The following ADGRL2 variants were observed in gnomAD, a reference collection of about 807,000 sequenced individuals.
The protein encoded by ADGRL2 is calcium-independent alpha-latrotoxin receptor 2.
Under a neutral mutation model 157.4 loss-of-function variants are expected in ADGRL2, and 44 were observed. The ratio of observed to expected loss-of-function variants is 0.28; its 90% CI spans 0.22 to 0.36. The LOEUF is 0.36. Ranked by LOEUF, ADGRL2 falls within the 10% of genes least tolerant of loss-of-function variation. The pLI is 1.00. For missense variants in ADGRL2, 1,510 were observed against 1,768.9 expected, an observed-to-expected ratio of 0.85 and a Z score of 2.63; for synonymous variants, 585 against 624.7, an observed-to-expected ratio of 0.94 and a Z score of 0.95.
At chr1:81,736,179 C>A (rs2084896327) in intron 1 of ADGRL2, among the ~76,000 whole-genome samples, 2 of 147,904 alleles carry the variant, frequency 1.4e-5, no homozygotes, top group Non-Finnish European at 3.0e-5. Context: ...AACTGACAAT[C>A]AGTTTGACTC....
chr1:81,648,403 C>A (rs1237896741), intron 3 of ADGRL2, among the ~76,000 whole-genome samples: 2 of 152,166 alleles, frequency 1.3e-5, no homozygotes, highest in Non-Finnish European at 2.9e-5. Context: ...TTCTGCTACC[C>A]ACCTCCTTTT....
At chr1:81,438,136 A>G (rs2077442643) in intron 1 of ADGRL2, among the ~76,000 whole-genome samples, 1 of 152,134 alleles carries the variant, frequency 6.6e-6, no homozygotes, top group South Asian at 2.1e-4. Context: ...GCTTTGATGT[A>G]AGATTCCTGG....
At position 81,848,214 on chromosome 1, in the gene ADGRL2, C is replaced by T. The variant is rs370976637; in HGVS notation, c.73+11157C>T. On this transcript the variant is annotated intron_variant, in intron 2 of 23. Transcript: ENST00000686636. Reference sequence around the variant, plus strand: ...TTATTTCTTAATGAATTTTATTAGACTCTTCAGGCTCTTAAACCACTCAAA... The same window carrying T: ...TTATTTCTTAATGAATTTTATTAGATTCTTCAGGCTCTTAAACCACTCAAA... 2.5e-4 allele frequency among the ~76,000 whole-genome samples: 38 copies of T among 151,862 alleles called. No homozygotes were observed. The South Asian group carries it at 3.3e-3, about 13-fold the overall frequency.
At chr1:81,383,976 A>T (rs1570790869) in intron 1 of ADGRL2, among the ~76,000 whole-genome samples, 1 of 151,350 alleles carries the variant, frequency 6.6e-6, no homozygotes, top group East Asian at 1.9e-4. Flanking sequence ...AAGAAAAGAA[A>T]AGAAAAAAAA....
chr1:81,453,268 A>C (rs2077735246), intron 2 of ADGRL2, among the ~76,000 whole-genome samples: 1 of 152,232 alleles, frequency 6.6e-6, no homozygotes, highest in African/African-American at 2.4e-5. Context: ...CAAACTTAAT[A>C]TGCAATAGCA....
intron 3 of ADGRL2, among the ~76,000 whole-genome samples, chr1:81,933,524 G>A (rs1210841476): frequency 6.6e-6 from 1 of 152,188 alleles, no homozygotes; most frequent in Non-Finnish European, 1.5e-5. Context: ...TCATTAGTAT[G>A]AGAACTTGAA....
intron 1 of ADGRL2, among the ~76,000 whole-genome samples, chr1:81,404,472 T>C (rs1009072993): frequency 6.6e-6 from 1 of 152,194 alleles, no homozygotes; most frequent in African/African-American, 2.4e-5. Flanking sequence ...AATCACATTT[T>C]ATATATGAGG....
intron 1 of ADGRL2, among the ~76,000 whole-genome samples, chr1:81,807,686 C>T (rs1017198547): frequency 1.3e-5 from 2 of 151,764 alleles, no homozygotes; most frequent in South Asian, 2.1e-4. Flanking sequence ...CTAAATTTTA[C>T]TCAGGACTTT....
chr1:81,819,975 A>G (rs896193639), intron 1 of ADGRL2, among the ~76,000 whole-genome samples: 3 of 152,090 alleles, frequency 2.0e-5, no homozygotes, highest in Non-Finnish European at 2.9e-5. Flanking sequence ...CTAATATTAT[A>G]TATTTATTTT....
chr1:81,572,831 C>T (rs2080723018), intron 2 of ADGRL2, among the ~76,000 whole-genome samples: 1 of 151,462 alleles, frequency 6.6e-6, no homozygotes, highest in South Asian at 2.1e-4. Context: ...TTGTGACTCA[C>T]TCAGAGGGCA....
At chr1:81,543,936 G>C (rs1016572101) in intron 2 of ADGRL2, among the ~76,000 whole-genome samples, 1 of 152,068 alleles carries the variant, frequency 6.6e-6, no homozygotes, top group African/African-American at 2.4e-5. Flanking sequence ...TTTACACCGG[G>C]TGTTCTGTCT....
chr1:81,682,400 T>C (rs2083138535), intron 3 of ADGRL2, among the ~76,000 whole-genome samples: 1 of 152,202 alleles, frequency 6.6e-6, no homozygotes, highest in South Asian at 2.1e-4. Flanking sequence ...TATCTTAAGA[T>C]TGACGTTAAG....
intron 1 of ADGRL2, among the ~76,000 whole-genome samples, chr1:81,355,846 C>T (rs56367322): frequency 5.9e-5 from 9 of 152,150 alleles, no homozygotes; most frequent in African/African-American, 1.7e-4. Flanking sequence ...TCTCTGTCTT[C>T]GTAACCCCTG....
At chr1:81,634,228 A>G (rs1367802802) in intron 3 of ADGRL2, among the ~76,000 whole-genome samples, 1 of 152,184 alleles carries the variant, frequency 6.6e-6, no homozygotes, top group African/African-American at 2.4e-5. Flanking sequence ...GAACCCAATT[A>G]ATCTCTTGCC....
chr1:81,876,894 C>T (rs982929), intron 2 of ADGRL2, among the ~76,000 whole-genome samples: 77,731 of 151,924 alleles, frequency 0.51, 20,808 homozygotes, highest in East Asian at 0.86. Context: ...AGTTTCAAAG[C>T]TGTTGACTGT....
chr1:81,417,504 ATACTT>A (rs1049453116), intron 1 of ADGRL2, among the ~76,000 whole-genome samples: 114 of 152,254 alleles, frequency 7.5e-4, no homozygotes, highest in African/African-American at 2.7e-3. Flanking sequence ...TATATTAGTA[ATACTT>A]TACTTCTACC....
chr1:81,565,629 A>T (rs1355487615), intron 2 of ADGRL2, among the ~76,000 whole-genome samples: 1 of 152,124 alleles, frequency 6.6e-6, no homozygotes, highest in Non-Finnish European at 1.5e-5. Flanking sequence ...CCTTCATTTC[A>T]TGCTGCCCCT....
intron 1 of ADGRL2, among the ~76,000 whole-genome samples, chr1:81,400,553 G>A (rs931176202): frequency 4.6e-5 from 7 of 152,096 alleles, no homozygotes; most frequent in African/African-American, 1.7e-4. Context: ...CTGCAGTTGA[G>A]GAACCTGAGA....
At chr1:81,866,489 A>G (rs1301916742) in intron 2 of ADGRL2, among the ~76,000 whole-genome samples, 1 of 152,182 alleles carries the variant, frequency 6.6e-6, no homozygotes, top group Non-Finnish European at 1.5e-5. Context: ...GGTTCAATGG[A>G]TGAATACAAC....
Sources: gnomAD v4.1 joint callset for allele counts (sites outside exome capture counted in the v4.1 genomes callset) on GRCh38, gnomAD v4.1.1 for gene constraint, MANE v1.5 for transcripts, NCBI Gene and HGNC (gene_info 2026-07-23, HGNC 2026-07-21) for gene names.